PODXL: variants seen among roughly 807,000 people sequenced by gnomAD.
PODXL encodes podocalyxin like, also known as podocalyxin.
PODXL carries 20 observed loss-of-function variants against 48.9 expected under a neutral mutation model. That is an observed-to-expected ratio of 0.41 (90% CI 0.29 to 0.59). The LOEUF is 0.59. Ranked by LOEUF, PODXL falls within the 20% of genes least tolerant of loss-of-function variation. The probability of loss-of-function intolerance (pLI) is 0.31; values close to 1 mark genes in which losing one functional copy is unlikely to be tolerated. For missense variants in PODXL, 606 were observed against 675.1 expected (o/e 0.90, Z 1.13); for synonymous variants, 295 against 287.4 (o/e 1.03, Z -0.27).
chr7:131,542,890 C>A (rs1798506448), intron 1 of PODXL, among the ~76,000 whole-genome samples: 1 of 152,110 alleles, frequency 6.6e-6, no homozygotes, highest in Admixed American at 6.5e-5. Context: ...GAGGAGCTGT[C>A]ACCTTTCTTG....
Position 131,505,850 on chromosome 7 carries a change from C to G in PODXL, c.1479+18G>C. ...GACCTGGGCTGCTTCCCCTGTGTGG[C>G]TGCAAACAGCTGCTTACCTGGTCCT... On this transcript the variant is annotated intron_variant, in intron 8 of 8. Coordinates refer to ENST00000378555, the MANE Select transcript of PODXL (RefSeq NM_001018111.3). 4 of 1,547,254 alleles carry G rather than the reference C, an allele frequency of 2.6e-6. No individual in the cohort carries two copies. The South Asian group carries it at 4.8e-5, about 19-fold the overall frequency.
intron 1 of PODXL, among the ~76,000 whole-genome samples, chr7:131,529,185 G>T (rs867171562): frequency 6.6e-6 from 1 of 152,138 alleles, no homozygotes; most frequent in Non-Finnish European, 1.5e-5. Context: ...GGAGAGGATG[G>T]AGTGAAAGTC....
chr7:131,505,975 A>G lies in PODXL; in HGVS notation c.1372T>C (p.Phe458Leu). ...QGPPEEAEDR[F>L]SMPLIITIVC... ...ATGGTGATGATGAGGGGCATGCTGAAGCGGTCCTCGGCCTCCTCCGGTGGC... is the reference window on the plus strand; with the variant it reads ...ATGGTGATGATGAGGGGCATGCTGAGGCGGTCCTCGGCCTCCTCCGGTGGC... The change falls in exon 8 of 9, where the codon TTC becomes CTC. Residue 458 changes from phenylalanine (F) to leucine (L), a missense_variant. Coordinates refer to ENST00000378555, the MANE Select transcript of PODXL (RefSeq NM_001018111.3). 1 of 1,611,686 alleles carries G rather than the reference A, an allele frequency of 6.2e-7. No individual in the cohort carries two copies. Among genetic ancestry groups the G allele is most frequent in the Non-Finnish European group, 8.5e-7 (1 of 1,179,264 alleles).
At chr7:131,517,260 T>G (rs1379290068) in intron 1 of PODXL, among the ~76,000 whole-genome samples, 1 of 152,116 alleles carries the variant, frequency 6.6e-6, no homozygotes, top group African/African-American at 2.4e-5. Flanking sequence ...GTGTGTGTGT[T>G]TCCACAGTGG....
chr7:131,546,892 A>G (rs1329588385), intron 1 of PODXL, among the ~76,000 whole-genome samples: 1 of 152,158 alleles, frequency 6.6e-6, no homozygotes, highest in Non-Finnish European at 1.5e-5. Flanking sequence ...CCTTCATCTA[A>G]AACTGCGGTC....
chr7:131,507,199 CTCTCAGCAGA>C (rs2116781207), intron 5 of PODXL, among the ~76,000 whole-genome samples: 1 of 152,342 alleles, frequency 6.6e-6, no homozygotes, highest in African/African-American at 2.4e-5. Context: ...GAGGCTGCAG[CTCTCAGCAGA>C]AGGGTCTCTA....
chr7:131,529,614 TA>T (rs532172541), intron 1 of PODXL, among the ~76,000 whole-genome samples: 50 of 143,044 alleles, frequency 3.5e-4, no homozygotes, highest in African/African-American at 1.1e-3. Flanking sequence ...TCCACAGAAA[TA>T]AAAAAAAAAA....
chr7:131,549,722 T>C lies in PODXL; in HGVS notation c.100+6538A>G, dbSNP rs116380508. Among the ~76,000 whole-genome samples the C allele has an allele frequency of 3.7e-3, 567 of 152,260 alleles. 5 individuals are homozygous for C. Among genetic ancestry groups the C allele is most frequent in the African/African-American group, 0.013 (536 of 41,562 alleles). On this transcript the variant is annotated intron_variant, in intron 1 of 8. Coordinates refer to ENST00000378555, the MANE Select transcript of PODXL (RefSeq NM_001018111.3). ...CAGATAGCAAGCCTCTCTCAGCCGC[T>C]CCTTAGAATTCTCTTCCCCCTGAGT...
chr7:131,515,006 A>G (rs1309010649), intron 1 of PODXL, among the ~76,000 whole-genome samples: 4 of 152,186 alleles, frequency 2.6e-5, no homozygotes, highest in African/African-American at 9.7e-5. Flanking sequence ...TGTTATAGGC[A>G]GTTGTCCTAT....
intron 5 of PODXL, among the ~76,000 whole-genome samples, chr7:131,507,279 C>T (rs568717073): frequency 1.2e-4 from 18 of 152,336 alleles, no homozygotes; most frequent in Admixed American, 3.9e-4. Flanking sequence ...TCTGAAGCCA[C>T]GGACAGGCTG....
chr7:131,548,715 A>G (rs557376412), intron 1 of PODXL, among the ~76,000 whole-genome samples: 12 of 152,304 alleles, frequency 7.9e-5, no homozygotes, highest in Middle Eastern at 3.4e-3. Flanking sequence ...AAGTTCTAAC[A>G]AACACAAGCC....
At chr7:131,508,782 T>C (rs904317805) in intron 5 of PODXL, among the ~76,000 whole-genome samples, 169 bp downstream of exon 5, 2 of 152,036 alleles carry the variant, frequency 1.3e-5, no homozygotes, top group Non-Finnish European at 2.9e-5. Flanking sequence ...TCTGTTGCTC[T>C]GTAAGATGGG....
At chr7:131,512,699 C>T (rs576897940) in intron 1 of PODXL, among the ~76,000 whole-genome samples, 14 of 152,212 alleles carry the variant, frequency 9.2e-5, no homozygotes, top group African/African-American at 1.7e-4. Context: ...CACATTCAGC[C>T]GGGTGTGGTG....
At chr7:131,532,643 G>A (rs2398792) in intron 1 of PODXL, among the ~76,000 whole-genome samples, 127,701 of 151,850 alleles carry the variant, frequency 0.84, 54,315 homozygotes, top group Admixed American at 0.91. Context: ...CAAAAGTGGG[G>A]TGGCTTGACT....
At position 131,507,666 on chromosome 7, in the gene PODXL, A is replaced by AGG. The variant is rs141763647; in HGVS notation, c.1102-942_1102-941dup. ...GTTTTCCATCTTCCTTTTCTAGCAA[A>AGG]GGGAAAAAAAAAAAAAGTGTCTCAC... On this transcript the variant is annotated intron_variant, in intron 5 of 8. Coordinates refer to ENST00000378555, the MANE Select transcript of PODXL (RefSeq NM_001018111.3). Among the ~76,000 whole-genome samples the AGG allele has an allele frequency of 2.4e-4, 35 of 145,106 alleles. No individual in the cohort carries two copies. The East Asian group carries it at 4.6e-3, about 19-fold the overall frequency.
intron 1 of PODXL, among the ~76,000 whole-genome samples, chr7:131,517,760 T>G (rs1019887064): frequency 2.7e-5 from 4 of 149,514 alleles, no homozygotes; most frequent in African/African-American, 9.7e-5. Context: ...TTTTTTTTTT[T>G]GACACAGAGT....
chr7:131,527,531 T>A (rs2116827345), intron 1 of PODXL, among the ~76,000 whole-genome samples: 1 of 152,336 alleles, frequency 6.6e-6, no homozygotes, highest in South Asian at 2.1e-4. Context: ...CTGTGCTGAA[T>A]GATGAGACTG....
At chr7:131,509,159 G>A (rs1195628981) in intron 4 of PODXL, 131 bp from the exon 5 acceptor site, 1 of 915,082 alleles carries the variant, frequency 1.1e-6, no homozygotes, top group Non-Finnish European at 1.8e-6. Flanking sequence ...ACCCATTCCA[G>A]AGCCAGGTAT....
intron 5 of PODXL, among the ~76,000 whole-genome samples, chr7:131,507,254 G>A (rs1797824631): frequency 6.6e-6 from 1 of 152,236 alleles, no homozygotes; most frequent in South Asian, 2.1e-4. Flanking sequence ...CCTTGCCCTA[G>A]GCAGAGCCTC....
Sources: gnomAD v4.1 joint callset for allele counts (sites outside exome capture counted in the v4.1 genomes callset) on GRCh38, gnomAD v4.1.1 for gene constraint, MANE v1.5 for transcripts, NCBI Gene and HGNC (gene_info 2026-07-23, HGNC 2026-07-21) for gene names.